The following ANAPC7 variants were observed in gnomAD, a reference collection of about 807,000 sequenced individuals.
ANAPC7 encodes anaphase-promoting complex subunit 7.
Under a neutral mutation model 63.3 loss-of-function variants are expected in ANAPC7, and 25 were observed. That is an observed-to-expected ratio of 0.39 (90% confidence interval 0.29 to 0.55). The LOEUF (loss-of-function observed/expected upper bound fraction) is 0.55. Among genes scored for constraint, ANAPC7 ranks in the 20% least tolerant of loss-of-function variants. The pLI is 0.57. For synonymous variants in ANAPC7, 241 were observed against 251.7 expected, an observed-to-expected ratio of 0.96 and a Z score of 0.40; for missense variants, 516 against 691.7, an observed-to-expected ratio of 0.75 and a Z score of 2.85.
intron 5 of ANAPC7, 94 bp downstream of exon 5, chr12:110,387,645 A>G: frequency 7.0e-7 from 1 of 1,437,140 alleles, no homozygotes; most frequent in Admixed American, 2.1e-5. Flanking sequence ...CCAACAGCAA[A>G]GCATCTCATT....
intron 7 of ANAPC7, 110 bp from the exon 8 acceptor site, chr12:110,382,058 T>A: frequency 9.3e-7 from 1 of 1,076,864 alleles, no homozygotes; most frequent in African/African-American, 1.6e-5. Context: ...ACATAATCCT[T>A]ATTCCAAACC....
chr12:110,403,606 G>T lies in ANAPC7; in HGVS notation c.22C>A (p.Arg8=), dbSNP rs1431610634. Reference sequence around the variant, plus strand: ...TGCAGCCCCGCGGCCGCCATGTCCCGCACGTGGTCTATCACATTCATCCTG... The same window carrying T: ...TGCAGCCCCGCGGCCGCCATGTCCCTCACGTGGTCTATCACATTCATCCTG... The part of the protein sequence containing the change: MNVIDHV[R]DMAAAGLHSN... The change falls in exon 1 of 11, where the codon CGG becomes AGG. Residue 8 remains arginine, a synonymous_variant. Transcript: ENST00000455511. 1.2e-6 allele frequency: 2 copies of T among 1,606,374 alleles called. No individual in the cohort carries two copies. Among genetic ancestry groups the T allele is most frequent in the Admixed American group, 1.7e-5 (1 of 58,688 alleles).
intron 8 of ANAPC7, among the ~76,000 whole-genome samples, chr12:110,380,311 A>C (rs189330568): frequency 2.0e-5 from 3 of 152,128 alleles, no homozygotes; most frequent in Non-Finnish European, 4.4e-5. Flanking sequence ...AGATTGCACC[A>C]CTGCACTCCA....
At chr12:110,397,898 A>T (rs1284935816) in intron 1 of ANAPC7, among the ~76,000 whole-genome samples, 3 of 146,218 alleles carry the variant, frequency 2.1e-5, no homozygotes, top group East Asian at 4.0e-4. Context: ...TCTGTCTTTT[A>T]AAAAAAAAAA....
At chr12:110,383,932 G>C (rs187703059) in intron 6 of ANAPC7, among the ~76,000 whole-genome samples, 999 of 151,168 alleles carry the variant, frequency 6.6e-3, no homozygotes, top group Non-Finnish European at 9.3e-3. Flanking sequence ...GCCAGGCGCG[G>C]TGGCTCATGC....
intron 3 of ANAPC7, among the ~76,000 whole-genome samples, chr12:110,390,326 G>A (rs935688229): frequency 5.9e-5 from 9 of 151,982 alleles, no homozygotes; most frequent in African/African-American, 1.2e-4. Flanking sequence ...CAACCACCTC[G>A]GCCTCCCAAA....
chr12:110,388,367 A>C (rs577103305), intron 4 of ANAPC7, 145 bp downstream of exon 4: 3 of 641,650 alleles, frequency 4.7e-6, no homozygotes, highest in Admixed American at 3.0e-5. Flanking sequence ...TCTTGATTGA[A>C]TATGTGACAA....
chr12:110,396,115 A>T lies in ANAPC7; in HGVS notation c.288+151T>A. The T allele has an allele frequency of 4.5e-6, 3 of 673,218 alleles. No homozygotes were observed. In the South Asian group the frequency reaches 5.3e-5, roughly 12 times the overall value. The allele number at this position is 673,218 out of a possible 1,614,324, so 41.7% of individuals were successfully genotyped here. On this transcript the variant is annotated intron_variant, in intron 2 of 10. Coordinates refer to ENST00000455511, the MANE Select transcript of ANAPC7 (RefSeq NM_016238.3). ...GCTGATCTGACAGGAGGCGGAGCTC[A>T]GGCAGTAATATTCACTAGCCCTCCA... is the stretch of plus-strand genomic sequence containing the variant.
intron 5 of ANAPC7, chr12:110,386,782 C>T (rs1055446826): frequency 3.3e-5 from 7 of 215,372 alleles, no homozygotes; most frequent in South Asian, 9.4e-5. Context: ...CTCAAGTAAA[C>T]GACTTTGCAT....
At chr12:110,387,535 G>A in intron 5 of ANAPC7, 1 of 509,058 alleles carries the variant, frequency 2.0e-6, no homozygotes, top group Non-Finnish European at 3.3e-6. Flanking sequence ...AACTCAGTCA[G>A]ATTTCTATTT....
At chr12:110,381,561 T>C (rs1881847138) in intron 8 of ANAPC7, among the ~76,000 whole-genome samples, 191 bp downstream of exon 8, 1 of 151,932 alleles carries the variant, frequency 6.6e-6, no homozygotes, top group Admixed American at 6.6e-5. Flanking sequence ...GGTCTCAATC[T>C]CTTGACCTCA....
intron 7 of ANAPC7, among the ~76,000 whole-genome samples, chr12:110,382,459 A>ATATATATATAT (rs1229764014): frequency 3.5e-4 from 18 of 51,954 alleles, no homozygotes; most frequent in African/African-American, 6.5e-4. Flanking sequence ...AAAAAAAAAA[A>ATATATATATAT]AAATATATAT....
At chr12:110,380,855 A>G (rs928680174) in intron 8 of ANAPC7, among the ~76,000 whole-genome samples, 1 of 145,162 alleles carries the variant, frequency 6.9e-6, no homozygotes, top group African/African-American at 2.6e-5. Context: ...GGAGAATGGC[A>G]TTAACCCGGG....
intron 5 of ANAPC7, chr12:110,387,289 G>GAGAGAGAGAGAGAGAGAGAGAGAGAC (rs1882604185): frequency 8.3e-6 from 1 of 120,258 alleles, no homozygotes; most frequent in Non-Finnish European, 1.8e-5. Context: ...GAGAGAGACA[G>GAGAGAGAGAGAGAGAGAGAGAGAGAC]AGAGAGAGAG....
intron 1 of ANAPC7, among the ~76,000 whole-genome samples, chr12:110,401,426 C>T (rs376439064): frequency 9.9e-5 from 15 of 152,144 alleles, no homozygotes; most frequent in East Asian, 9.7e-4. Flanking sequence ...GTGGGTGATG[C>T]GAAGGGTAGA....
rs554886774 is a variant in ANAPC7 at position 110,394,353 on chromosome 12, G to T, written c.408+748C>A. 2.7e-5 allele frequency among the ~76,000 whole-genome samples: 4 copies of T among 150,872 alleles called. No homozygotes were observed. The South Asian group carries it at 8.4e-4, about 32-fold the overall frequency. ...CAAAAATAAAAAAAATTGGCCAGGT[G>T]CGGTGGCTCCCGCCTGTAATCCCAA... is the stretch of plus-strand genomic sequence containing the variant. On this transcript the variant is annotated intron_variant, in intron 3 of 10. Coordinates refer to ENST00000455511, the MANE Select transcript of ANAPC7 (RefSeq NM_016238.3).
rs1266129705 is a variant in ANAPC7, at chr12:110,382,454, AAAAAAAAATATATATATATATATAT to A, written c.935+364_935+388del. On this transcript the variant is annotated intron_variant, in intron 7 of 10. Coordinates refer to ENST00000455511, the MANE Select transcript of ANAPC7 (RefSeq NM_016238.3). ...TGATTATCCTTTTAAAAAAAAAAAA[AAAAAAAAATATATATATATATATAT>A]ATATATATATATATATTTATAGAGA... Among the ~76,000 whole-genome samples, 61 of 93,642 alleles carry A rather than the reference AAAAAAAAATATATATATATATATAT, an allele frequency of 6.5e-4. 3 individuals are homozygous for A. Among genetic ancestry groups the A allele is most frequent in the Admixed American group, 3.6e-3 (29 of 8,014 alleles). The allele number at this position is 93,642 out of a possible 152,430, so 61.4% of individuals were successfully genotyped here.
chr12:110,387,888 C>T lies in ANAPC7; in HGVS notation c.525G>A (p.Leu175=), dbSNP rs371661838. 1.4e-5 allele frequency: 22 copies of T among 1,613,656 alleles called. No homozygotes were observed. The African/African-American group carries it at 1.6e-4, about 12-fold the overall frequency. ...CPLALDAILG[L]LSLSVKGAEV... ...CTGCCCCTTTTACAGAAAGGGACAA[C>T]AAGCCTAAACCAACAGAAAGCAGAA... Residue 175 remains leucine (L), a synonymous_variant, in exon 5 of 11, where the codon TTG becomes TTA. Coordinates refer to ENST00000455511, the MANE Select transcript of ANAPC7 (RefSeq NM_016238.3).
chr12:110,377,347 T>C (rs1881382158), intron 9 of ANAPC7, 46 bp downstream of exon 9: 1 of 1,555,496 alleles, frequency 6.4e-7, no homozygotes, highest in African/African-American at 1.4e-5. Context: ...AGGTCAGGTT[T>C]TATAAAAATT....
Sources: allele counts gnomAD v4.1 joint callset (sites outside exome capture counted in the v4.1 genomes callset), GRCh38; gene constraint gnomAD v4.1.1; transcripts MANE v1.5; gene names NCBI Gene and HGNC (gene_info 2026-07-23, HGNC 2026-07-21).